MAP3K13: variants seen among roughly 807,000 people sequenced by gnomAD.
MAP3K13 encodes leucine zipper-bearing kinase.
A neutral mutation model predicts 104.0 loss-of-function variants in MAP3K13; 52 were observed. The observed-to-expected ratio is 0.50, with a 90% confidence interval of 0.40 to 0.63. The LOEUF is 0.63. MAP3K13 is among the 20% of genes least tolerant of loss of function. The pLI, the probability that MAP3K13 is intolerant of heterozygous loss-of-function variation, is 0.00. For missense variants in MAP3K13, 914 were observed against 1,218.5 expected (o/e 0.75, Z 3.72); for synonymous variants, 394 against 442.2 (o/e 0.89, Z 1.37).
At chr3:185,457,140 C>T (rs1560122194) in intron 7 of MAP3K13, among the ~76,000 whole-genome samples, 2 of 16,518 alleles carry the variant, frequency 1.2e-4, no homozygotes, top group African/African-American at 8.2e-5. Context: ...TTGCCACAGT[C>T]GGGTTCCTCA....
In MAP3K13 at chr3:185,357,891, A is replaced by G. The variant is rs759004561; in HGVS notation, c.-85-70606A>G. 3.9e-5 allele frequency among the ~76,000 whole-genome samples: 6 copies of G among 152,340 alleles called. No individual in the cohort carries two copies. The South Asian group carries it at 1.2e-3, about 32-fold the overall frequency. On this transcript the variant is annotated intron_variant, in intron 2 of 14. Transcript: ENST00000424227. The stretch of plus-strand genomic sequence containing the variant: ...AGATATTTTATTATCCTTTAATTAA[A>G]AATATTGAATAGTTAAGTCTAATTA...
chr3:185,340,958 G>C (rs1263919309), intron 2 of MAP3K13, among the ~76,000 whole-genome samples: 1 of 152,118 alleles, frequency 6.6e-6, no homozygotes, highest in African/African-American at 2.4e-5. Context: ...AGCAGTGTGA[G>C]AAAGGACTAT....
chr3:185,300,189 C>CTT (rs1273008667), intron 2 of MAP3K13, among the ~76,000 whole-genome samples: 24 of 123,414 alleles, frequency 1.9e-4, no homozygotes, highest in South Asian at 7.9e-4. Flanking sequence ...TCCTTCTTTT[C>CTT]TTTTTTTTTT....
Position 185,473,677 on chromosome 3 carries a change from C to T in MAP3K13, c.2346C>T (p.Ser782=), listed in dbSNP as rs551981440. 296 of 1,614,142 alleles carry T rather than the reference C, an allele frequency of 1.8e-4. 4 individuals carry two copies. In the South Asian group the frequency reaches 2.2e-3, roughly 12 times the overall value. ...AGAAAACGGAAGAAAATGAATTCAG[C>T]GGCTGTAGGTCTGAGTCATCCCTCG... The part of the protein sequence containing the change: ...SSEKTEENEF[S]GCRSESSLGT... Residue 782 remains serine, a synonymous_variant, in exon 11 of 14, where the codon AGC becomes AGT. Transcript: ENST00000265026. The surrounding 1 kb of genome is among the most constrained non-coding windows in gnomAD (Gnocchi z 4.9).
At position 185,473,027 on chromosome 3, in the gene MAP3K13, G is replaced by A. The variant is rs775974589; in HGVS notation, c.1696G>A (p.Ala566Thr). The change falls in exon 11 of 14, where the codon GCA (alanine) becomes ACA (threonine). Residue 566 changes from alanine to threonine, a missense_variant. Ala to Thr is a moderately conservative substitution (Grantham distance 58). Transcript: ENST00000265026. This position sits in a 1 kb window ranked among gnomAD's most constrained non-coding sequence, Gnocchi z 4.9. Reference protein sequence around the residue: ...GIPTTEVAPTASPLSGSPKMS... With the variant: ...GIPTTEVAPTTSPLSGSPKMS... ...CCCCACCACAGAAGTGGCTCCCACT[G>A]CATCCCCTTTGTCCGGAAGTCCCAA... is the stretch of plus-strand genomic sequence containing the variant. 1 of 1,614,136 alleles carries A rather than the reference G, an allele frequency of 6.2e-7. No individual in the cohort carries two copies.
Position 185,368,029 on chromosome 3 carries a change from C to T in MAP3K13, c.-86+4661C>T, listed in dbSNP as rs539969302. On this transcript the variant is annotated intron_variant, in intron 1 of 13. Coordinates refer to ENST00000265026, the MANE Select transcript of MAP3K13 (RefSeq NM_004721.5). ...AAAATTAGCCGGATGTGGTGGCACA[C>T]GCCTGTAGTCCCAGTCACTCGGGAG... is the stretch of plus-strand genomic sequence containing the variant. Among the ~76,000 whole-genome samples the T allele has an allele frequency of 5.3e-4, 80 of 152,284 alleles. 1 individual carries two copies. The highest frequency in any genetic ancestry group is 6.8e-3 in the Middle Eastern group (2 of 294).
At chr3:185,389,662 C>T (rs1488008445) in intron 1 of MAP3K13, among the ~76,000 whole-genome samples, 7 of 150,836 alleles carry the variant, frequency 4.6e-5, no homozygotes, top group East Asian at 1.9e-4. Context: ...GTATTTTAGT[C>T]GGGCAGCAAT....
At chr3:185,391,540 G>T (rs185786297) in intron 1 of MAP3K13, among the ~76,000 whole-genome samples, 1 of 152,126 alleles carries the variant, frequency 6.6e-6, no homozygotes, top group South Asian at 2.1e-4. Context: ...AACACAGAAA[G>T]GACCTCTAAT....
intron 1 of MAP3K13, among the ~76,000 whole-genome samples, chr3:185,384,436 G>T (rs981848145): frequency 1.3e-5 from 2 of 151,936 alleles, no homozygotes; most frequent in Non-Finnish European, 2.9e-5. Flanking sequence ...TGGGGATGCA[G>T]GTATCCCTTT....
At position 185,450,329 on chromosome 3, in the gene MAP3K13, T is replaced by G. The variant is rs1450320203; in HGVS notation, c.1169+271T>G. ...ACTTGGTGTTATTATCTCAAAATAG[T>G]AGGCCTTGGTCAATGATAGCTACTA... is the stretch of plus-strand genomic sequence containing the variant. On this transcript the variant is annotated intron_variant, in intron 6 of 13. Coordinates refer to ENST00000265026, the MANE Select transcript of MAP3K13 (RefSeq NM_004721.5). This position sits in a 1 kb window ranked among gnomAD's most constrained non-coding sequence, Gnocchi z 4.2. Among the ~76,000 whole-genome samples, 1 of 152,244 alleles carries G rather than the reference T, an allele frequency of 6.6e-6. No individual in the cohort carries two copies. Among genetic ancestry groups the G allele is most frequent in the African/African-American group, 2.4e-5 (1 of 41,466 alleles).
intron 1 of MAP3K13, among the ~76,000 whole-genome samples, chr3:185,403,355 T>C (rs115758925): frequency 0.015 from 2,220 of 152,346 alleles, 29 homozygotes; most frequent in Middle Eastern, 0.031. Context: ...CTAACATTTA[T>C]GAAAACTTGA....
intron 7 of MAP3K13, among the ~76,000 whole-genome samples, chr3:185,457,300 A>G (rs557382854): frequency 6.2e-4 from 95 of 152,340 alleles, no homozygotes; most frequent in African/African-American, 2.2e-3. Flanking sequence ...GGGAGAAGAA[A>G]ACTGAGTACA....
intron 1 of MAP3K13, among the ~76,000 whole-genome samples, chr3:185,427,383 A>G (rs2108800965): frequency 6.6e-6 from 1 of 152,148 alleles, no homozygotes; most frequent in African/African-American, 2.4e-5. Context: ...AAAAAAAAAC[A>G]TACTTTGAAT....
At chr3:185,480,872 C>G (rs1023705119) in intron 13 of MAP3K13, among the ~76,000 whole-genome samples, 1 of 152,114 alleles carries the variant, frequency 6.6e-6, no homozygotes, top group Non-Finnish European at 1.5e-5. Flanking sequence ...ACCATCAGAT[C>G]TCATGAGAAC....
Position 185,428,502 on chromosome 3 carries a change from G to C in MAP3K13, c.-80G>C. 1 of 1,493,094 alleles carries C rather than the reference G, an allele frequency of 6.7e-7. No homozygotes were observed. The highest frequency in any genetic ancestry group is 8.9e-7 in the Non-Finnish European group (1 of 1,122,444). 92.5% of individuals were successfully genotyped at this position (1,493,094 alleles called of 1,614,324 possible). Reference sequence around the variant, plus strand: ...CTCCCTCCTGTTTTTCTCAGGTTTTGGAGCCCTCTCTTAAGTCAGAACTCT... The same window carrying C: ...CTCCCTCCTGTTTTTCTCAGGTTTTCGAGCCCTCTCTTAAGTCAGAACTCT... On this transcript the variant is annotated 5_prime_UTR_variant, in exon 2 of 14. Transcript: ENST00000265026.
Position 185,418,139 on chromosome 3 carries a change from C to T in MAP3K13, c.-85-10358C>T. ...CTGAAGGCCTTGATGATACCATTAT[C>T]CTCATTATAGATGATGCACAGGCCC... On this transcript the variant is annotated intron_variant, in intron 1 of 13. Transcript: ENST00000265026. This position sits in a 1 kb window ranked among gnomAD's most constrained non-coding sequence, Gnocchi z 4.5. 1 of 1,608,680 alleles carries T rather than the reference C, an allele frequency of 6.2e-7. No homozygotes were observed. The highest frequency in any genetic ancestry group is 1.7e-5 in the Admixed American group (1 of 60,024).
At chr3:185,389,236 A>G (rs1171811351) in intron 1 of MAP3K13, among the ~76,000 whole-genome samples, 2 of 152,164 alleles carry the variant, frequency 1.3e-5, no homozygotes, top group Non-Finnish European at 2.9e-5. Context: ...TCTGTACACA[A>G]TCCCATTCTT....
At chr3:185,416,693 A>G (rs1466653087) in intron 1 of MAP3K13, among the ~76,000 whole-genome samples, 1 of 152,110 alleles carries the variant, frequency 6.6e-6, no homozygotes. Context: ...CAGTGGCGCA[A>G]TCATGGCTCA....
intron 7 of MAP3K13, among the ~76,000 whole-genome samples, chr3:185,455,469 T>TATATATGAG (rs1716510942): frequency 9.0e-6 from 1 of 111,046 alleles, no homozygotes; most frequent in South Asian, 2.8e-4. Flanking sequence ...ATATATGAGA[T>TATATATGAG]ATATACATGA....
Sources: gnomAD v4.1 joint callset for allele counts (sites outside exome capture counted in the v4.1 genomes callset) on GRCh38, gnomAD v4.1.1 for gene constraint, Gnocchi (gnomAD v3.1) non-coding constraint, MANE v1.5 for transcripts, NCBI Gene and HGNC (gene_info 2026-07-23, HGNC 2026-07-21) for gene names.